SNX9: variants seen among roughly 807,000 people sequenced by gnomAD.
SNX9 encodes the protein sorting nexin 9.
A neutral mutation model predicts 89.4 loss-of-function variants in SNX9; 44 were observed. The ratio of observed to expected loss-of-function variants is 0.49; its 90% CI spans 0.39 to 0.63. SNX9 has a LOEUF of 0.63. Among genes scored for constraint, SNX9 ranks in the 30% least tolerant of loss-of-function variants. The pLI, the probability that SNX9 is intolerant of heterozygous loss-of-function variation, is 0.00. For missense variants in SNX9, 578 were observed against 736.1 expected, an observed-to-expected ratio of 0.79 and a Z score of 2.49; for synonymous variants, 236 against 247.8, an observed-to-expected ratio of 0.95 and a Z score of 0.45.
chr6:157,931,289 G>A (rs186944326), intron 12 of SNX9, among the ~76,000 whole-genome samples: 6 of 152,194 alleles, frequency 3.9e-5, no homozygotes, highest in African/African-American at 1.4e-4. Context: ...CGTGTAATTT[G>A]GATTCATGTT....
intron 1 of SNX9, among the ~76,000 whole-genome samples, chr6:157,856,740 C>T (rs1782020419): frequency 6.6e-6 from 1 of 152,086 alleles, no homozygotes; most frequent in African/African-American, 2.4e-5. Context: ...TCTTACCTTA[C>T]CCTCATTACA....
At chr6:157,923,007 A>G (rs2115193402) in intron 10 of SNX9, among the ~76,000 whole-genome samples, 1 of 152,362 alleles carries the variant, frequency 6.6e-6, no homozygotes, top group East Asian at 1.9e-4. Context: ...TTTAGAAAGC[A>G]TTTCTGAAGG....
At chr6:157,829,700 A>C (rs891893969) in intron 1 of SNX9, among the ~76,000 whole-genome samples, 2 of 152,086 alleles carry the variant, frequency 1.3e-5, no homozygotes, top group African/African-American at 2.4e-5. Context: ...GAACCTCTTT[A>C]CCTCTGGTAA....
intron 12 of SNX9, among the ~76,000 whole-genome samples, chr6:157,928,948 T>C (rs749232087): frequency 7.2e-5 from 11 of 152,150 alleles, no homozygotes; most frequent in East Asian, 1.9e-4. Context: ...TTCCAGTAAT[T>C]TGGGGCTTTA....
intron 4 of SNX9, among the ~76,000 whole-genome samples, chr6:157,880,991 A>C (rs1345945584): frequency 6.6e-6 from 1 of 152,228 alleles, no homozygotes; most frequent in African/African-American, 2.4e-5. Context: ...TAGTTATCTC[A>C]TATACCACTG....
rs1304069929 is a variant in SNX9 at position 157,825,860 on chromosome 6, TC to T, written c.12+2415del. Among the ~76,000 whole-genome samples, 8 of 152,316 alleles carry T rather than the reference TC, an allele frequency of 5.3e-5. No homozygotes were observed. In the East Asian group the frequency reaches 1.5e-3, roughly 29 times the overall value. ...CCCACACCTGAGTAGTTGTGTTTTT[TC>T]TTTGTCTTCTTCAAGGGGTGGGGAG... On this transcript the variant is annotated intron_variant, in intron 1 of 17. Transcript: ENST00000392185.
chr6:157,880,138 G>A (rs1231525982), intron 4 of SNX9, among the ~76,000 whole-genome samples: 1 of 152,194 alleles, frequency 6.6e-6, no homozygotes, highest in African/African-American at 2.4e-5. Flanking sequence ...TGGGAAGCAT[G>A]TAAGCTTTGC....
intron 9 of SNX9, among the ~76,000 whole-genome samples, chr6:157,913,140 A>G (rs1246072426): frequency 6.6e-6 from 1 of 152,170 alleles, no homozygotes; most frequent in Non-Finnish European, 1.5e-5. Context: ...TCTTTTTTCC[A>G]AGGCACAAGG....
chr6:157,866,502 A>G (rs1782264650), intron 1 of SNX9, among the ~76,000 whole-genome samples: 1 of 152,204 alleles, frequency 6.6e-6, no homozygotes, highest in Non-Finnish European at 1.5e-5. Flanking sequence ...TGAGCCTGGT[A>G]GGTCGAGGCT....
At chr6:157,909,449 C>G (rs114589072) in intron 7 of SNX9, among the ~76,000 whole-genome samples, 1 of 152,138 alleles carries the variant, frequency 6.6e-6, no homozygotes, top group Non-Finnish European at 1.5e-5. Context: ...GAGCTACTCA[C>G]GTGGGAGCAG....
At chr6:157,870,534 A>G (rs908750587) in intron 2 of SNX9, among the ~76,000 whole-genome samples, 3 of 145,090 alleles carry the variant, frequency 2.1e-5, no homozygotes, top group African/African-American at 7.9e-5. Flanking sequence ...GCAAGCACGC[A>G]CACCCCTCAG....
rs776946615 is a variant in SNX9, at chr6:157,921,602, C to CG, written c.1021_1022insG (p.His341ArgfsTer8). 1 of 1,613,860 alleles carries CG rather than the reference C, an allele frequency of 6.2e-7. No individual in the cohort carries two copies. The highest frequency in any genetic ancestry group is 8.5e-7 in the Non-Finnish European group (1 of 1,179,924). On this transcript the variant is annotated frameshift_variant, in exon 10 of 18. Transcript: ENST00000392185. LOFTEE classifies it high-confidence loss of function. ...GGCCTGGATGACCAGGATGTGTCGC[C>CG]ATCCAGTAATCTCAGAAAGTGAAGT...
At chr6:157,833,828 C>T (rs1252991257) in intron 1 of SNX9, among the ~76,000 whole-genome samples, 6 of 152,134 alleles carry the variant, frequency 3.9e-5, no homozygotes, top group East Asian at 1.9e-4. Flanking sequence ...TACTTTGTCC[C>T]GTGACTATCT....
intron 1 of SNX9, among the ~76,000 whole-genome samples, chr6:157,830,871 A>G (rs908773229): frequency 6.6e-6 from 1 of 152,140 alleles, no homozygotes; most frequent in Non-Finnish European, 1.5e-5. Flanking sequence ...CTAACTTCCC[A>G]TCTGTCAACC....
chr6:157,855,065 T>TA (rs1184898231), intron 1 of SNX9, among the ~76,000 whole-genome samples: 1 of 152,106 alleles, frequency 6.6e-6, no homozygotes, highest in Non-Finnish European at 1.5e-5. Context: ...GGGGCAGTGT[T>TA]ACCCATTTCT....
chr6:157,929,477 C>T (rs1009863019), intron 12 of SNX9, among the ~76,000 whole-genome samples: 1 of 152,202 alleles, frequency 6.6e-6, no homozygotes, highest in Non-Finnish European at 1.5e-5. Context: ...CCTAGGACTT[C>T]TCTCCTTTAT....
intron 9 of SNX9, among the ~76,000 whole-genome samples, chr6:157,911,078 A>G (rs768849391): frequency 6.6e-6 from 1 of 152,046 alleles, no homozygotes. Flanking sequence ...GCGCCACCGC[A>G]CTCCAGCCCA....
chr6:157,878,100 T>A (rs991749831), intron 4 of SNX9, among the ~76,000 whole-genome samples: 2 of 152,234 alleles, frequency 1.3e-5, no homozygotes, highest in Non-Finnish European at 2.9e-5. Flanking sequence ...AATTTCAGGT[T>A]GCTTGGGGGA....
At chr6:157,888,568 A>G (rs1782785297) in intron 4 of SNX9, among the ~76,000 whole-genome samples, 1 of 152,170 alleles carries the variant, frequency 6.6e-6, no homozygotes, top group Non-Finnish European at 1.5e-5. Context: ...TTTTTATTTT[A>G]AGGTGGATAT....
Sources: gnomAD v4.1 joint callset for allele counts (sites outside exome capture counted in the v4.1 genomes callset) on GRCh38, gnomAD v4.1.1 for gene constraint, MANE v1.5 for transcripts, NCBI Gene and HGNC (gene_info 2026-07-23, HGNC 2026-07-21) for gene names.